The following FGGY variants were observed in gnomAD, a reference collection of about 807,000 sequenced individuals.
The protein encoded by FGGY is FGGY carbohydrate kinase domain-containing protein.
In FGGY, 72 loss-of-function variants were observed where a neutral mutation model predicts 71.3. That is an observed-to-expected ratio of 1.01 (90% CI 0.84 to 1.23). The LOEUF is 1.23. Ranked by LOEUF, FGGY falls within the 50% of genes most tolerant of loss-of-function variation. The pLI, the probability that FGGY is intolerant of heterozygous loss-of-function variation, is 0.00. For missense variants in FGGY, 668 were observed against 682.3 expected (o/e 0.98, Z 0.23); for synonymous variants, 251 against 250.3 (o/e 1.00, Z -0.02).
intron 14 of FGGY, among the ~76,000 whole-genome samples, chr1:59,742,287 A>G (rs2098157082): frequency 6.6e-6 from 1 of 152,204 alleles, no homozygotes; most frequent in African/African-American, 2.4e-5. Flanking sequence ...ATGCTGCCTC[A>G]GTCATTAGTG....
chr1:59,538,091 C>A (rs1003022899), intron 7 of FGGY, among the ~76,000 whole-genome samples: 2 of 152,180 alleles, frequency 1.3e-5, no homozygotes, highest in African/African-American at 4.8e-5. Context: ...TTTTCACAAC[C>A]TGCTCATCTG....
At chr1:59,404,717 G>T (rs911986465) in intron 5 of FGGY, among the ~76,000 whole-genome samples, 47 of 152,318 alleles carry the variant, frequency 3.1e-4, no homozygotes, top group African/African-American at 1.1e-3. Flanking sequence ...AGAAGAGACA[G>T]ATCTGGAAGC....
intron 4 of FGGY, among the ~76,000 whole-genome samples, chr1:59,364,618 C>T (rs761825133): frequency 2.6e-5 from 4 of 152,132 alleles, no homozygotes; most frequent in African/African-American, 9.7e-5. Flanking sequence ...ATAGCTCTTG[C>T]CTTTGAGGAG....
At chr1:59,366,400 C>T (rs986652026) in intron 4 of FGGY, among the ~76,000 whole-genome samples, 3 of 151,964 alleles carry the variant, frequency 2.0e-5, no homozygotes, top group South Asian at 4.2e-4. Flanking sequence ...GATGTTTAGG[C>T]CTCTGCTTGC....
chr1:59,703,986 G>T (rs72666294), intron 14 of FGGY, among the ~76,000 whole-genome samples: 11,295 of 152,172 alleles, frequency 0.074, 596 homozygotes, highest in Middle Eastern at 0.12. Flanking sequence ...GAGTGTGATT[G>T]TGTACATGTT....
intron 14 of FGGY, among the ~76,000 whole-genome samples, chr1:59,731,437 C>T (rs921055043): frequency 3.3e-5 from 5 of 152,076 alleles, no homozygotes; most frequent in African/African-American, 4.8e-5. Context: ...AAGCATGAAC[C>T]GAGATGAAGG....
intron 5 of FGGY, among the ~76,000 whole-genome samples, chr1:59,420,524 G>A (rs2065224754): frequency 6.6e-6 from 1 of 152,178 alleles, no homozygotes; most frequent in Admixed American, 6.5e-5. Flanking sequence ...TATGATGAGA[G>A]GCATGAGGAA....
intron 5 of FGGY, among the ~76,000 whole-genome samples, chr1:59,440,378 A>G (rs2069529946): frequency 6.6e-6 from 1 of 152,060 alleles, no homozygotes; most frequent in Non-Finnish European, 1.5e-5. Flanking sequence ...ATTGATTTAC[A>G]TTTGAGTAGG....
intron 2 of FGGY, among the ~76,000 whole-genome samples, chr1:59,325,361 A>G (rs2047231114): frequency 7.9e-6 from 1 of 126,698 alleles, no homozygotes; most frequent in Non-Finnish European, 1.7e-5. Flanking sequence ...CGTGTCCAAC[A>G]ACAGCAACAA....
chr1:59,658,975 A>C (rs2097249379), intron 11 of FGGY, among the ~76,000 whole-genome samples: 1 of 152,198 alleles, frequency 6.6e-6, no homozygotes, highest in Non-Finnish European at 1.5e-5. Flanking sequence ...TAATCCCAGC[A>C]CTTTGGGAAG....
chr1:59,355,571 C>A (rs2054162776), intron 4 of FGGY, among the ~76,000 whole-genome samples: 2 of 150,186 alleles, frequency 1.3e-5, no homozygotes, highest in African/African-American at 2.5e-5. Flanking sequence ...TCTTTTTGGG[C>A]TTATTTTCCT....
At position 59,515,433 on chromosome 1, in the gene FGGY, G is replaced by A. The variant is rs183413253; in HGVS notation, c.799+2994G>A. 1.3e-4 allele frequency among the ~76,000 whole-genome samples: 20 copies of A among 152,276 alleles called. No homozygotes were observed. In the East Asian group the frequency reaches 3.1e-3, roughly 24 times the overall value. ...GACTGTGGACTTTTGGATTAATTCT[G>A]AAATGAGTAAAGACTTTGGGGGACT... is the stretch of plus-strand genomic sequence containing the variant. On this transcript the variant is annotated intron_variant, in intron 7 of 15. Coordinates refer to ENST00000303721, the MANE Select transcript of FGGY (RefSeq NM_018291.5).
At chr1:59,730,045 A>G in intron 14 of FGGY, among the ~76,000 whole-genome samples, 1 of 152,170 alleles carries the variant, frequency 6.6e-6, no homozygotes, top group Admixed American at 6.5e-5. Context: ...AAAACCGATG[A>G]AAGTGTGGGC....
At chr1:59,473,401 C>T (rs12065250) in intron 6 of FGGY, among the ~76,000 whole-genome samples, 6,058 of 152,240 alleles carry the variant, frequency 0.04, 395 homozygotes, top group African/African-American at 0.14. Context: ...ACTCCGGACA[C>T]GCCACCTTTA....
chr1:59,539,529 A>C (rs1283612160), intron 7 of FGGY, among the ~76,000 whole-genome samples: 1 of 152,208 alleles, frequency 6.6e-6, no homozygotes, highest in Admixed American at 6.5e-5. Context: ...TCAGTGAAAT[A>C]GTACCCTGCC....
chr1:59,455,732 C>T (rs1026696103), intron 5 of FGGY, among the ~76,000 whole-genome samples: 1 of 152,186 alleles, frequency 6.6e-6, no homozygotes, highest in Non-Finnish European at 1.5e-5. Flanking sequence ...AGAAGACATA[C>T]TCCATGCTCT....
intron 6 of FGGY, among the ~76,000 whole-genome samples, chr1:59,496,261 G>T (rs554877535): frequency 6.6e-6 from 1 of 152,134 alleles, no homozygotes; most frequent in Non-Finnish European, 1.5e-5. Flanking sequence ...AAATAGCAAA[G>T]ACATGAAATC....
intron 14 of FGGY, among the ~76,000 whole-genome samples, chr1:59,681,234 T>A (rs2097495163): frequency 6.6e-6 from 1 of 152,238 alleles, no homozygotes; most frequent in Non-Finnish European, 1.5e-5. Flanking sequence ...TAAGGAATAC[T>A]TTAATAGATT....
chr1:59,506,822 G>T (rs1421282725), intron 6 of FGGY, among the ~76,000 whole-genome samples: 5 of 151,778 alleles, frequency 3.3e-5, no homozygotes, highest in Non-Finnish European at 2.9e-5. Context: ...CACAAGAAAT[G>T]TAGACCAATT....
Sources: allele counts gnomAD v4.1 joint callset (sites outside exome capture counted in the v4.1 genomes callset), GRCh38; gene constraint gnomAD v4.1.1; transcripts MANE v1.5; gene names NCBI Gene and HGNC (gene_info 2026-07-23, HGNC 2026-07-21).